Variants in ATG101 observed in about 807,000 individuals in gnomAD.
ATG101 encodes autophagy-related protein 101.
A neutral mutation model predicts 16.7 loss-of-function variants in ATG101; 6 were observed. The observed-to-expected ratio is 0.36, with a 90% CI of 0.20 to 0.71. ATG101 has a LOEUF of 0.71. Ranked by LOEUF, ATG101 falls within the 30% of genes least tolerant of loss-of-function variation. ATG101 has a pLI of 0.57. For synonymous variants in ATG101, 108 were observed against 118.1 expected, an observed-to-expected ratio of 0.91 and a Z score of 0.56; for missense variants, 200 against 292.5, an observed-to-expected ratio of 0.68 and a Z score of 2.31.
Position 52,073,957 on chromosome 12 carries a change from G to A in ATG101, c.252+55G>A, listed in dbSNP as rs945305415. 7 of 1,586,604 alleles carry A rather than the reference G, an allele frequency of 4.4e-6. No homozygotes were observed. The South Asian group carries it at 4.6e-5, about 10-fold the overall frequency. On this transcript the variant is annotated intron_variant, in intron 3 of 3. Coordinates refer to ENST00000336854, the MANE Select transcript of ATG101 (RefSeq NM_021934.5). ...GTGTGGCATAGCAGATGGCAGGGGG[G>A]CCTCGAGTGCTCCTCCACTCCAGCT...
intron 2 of ATG101, 84 bp from the exon 3 acceptor site, chr12:52,073,491 G>C: frequency 1.1e-6 from 1 of 904,014 alleles, no homozygotes; most frequent in South Asian, 1.7e-5. Flanking sequence ...AGTGGAGGCA[G>C]AGGCTGAGCT....
At chr12:52,073,449 T>C (rs1939681728) in intron 2 of ATG101, 126 bp from the exon 3 acceptor site, 11 of 608,970 alleles carry the variant, frequency 1.8e-5, no homozygotes, top group Non-Finnish European at 2.9e-5. Flanking sequence ...GATTCGTTGA[T>C]AGTGTGTGCT....
chr12:52,065,574 C>G (rs1259133772), upstream of ATG101, among the ~76,000 whole-genome samples: 1 of 152,180 alleles, frequency 6.6e-6, no homozygotes, highest in Non-Finnish European at 1.5e-5. Flanking sequence ...GAGAATTTCC[C>G]TGTAAGAATT....
At position 52,076,090 on chromosome 12, in the gene ATG101, C is replaced by T. The variant is rs147861177; in HGVS notation, c.253-696C>T. Among the ~76,000 whole-genome samples, 564 of 152,200 alleles carry T rather than the reference C, an allele frequency of 3.7e-3. 6 individuals are homozygous for T. The highest frequency in any genetic ancestry group is 0.013 in the African/African-American group (532 of 41,508). On this transcript the variant is annotated intron_variant, in intron 3 of 3. Transcript: ENST00000336854. ...GGAGGATCGCTTGAGCCCAGGAGTC[C>T]GAGGCTGCAGTGAGCCATGATTGCT...
At chr12:52,073,086 C>T (rs1592317222) in intron 2 of ATG101, among the ~76,000 whole-genome samples, 1 of 152,140 alleles carries the variant, frequency 6.6e-6, no homozygotes, top group African/African-American at 2.4e-5. Context: ...TTTTTTGATG[C>T]ACAGATTTGA....
upstream of ATG101, among the ~76,000 whole-genome samples, chr12:52,065,970 C>T (rs1038326816): frequency 5.9e-5 from 9 of 152,160 alleles, no homozygotes; most frequent in South Asian, 4.1e-4. Flanking sequence ...CGCCGCCTCC[C>T]GGGTTCAAGT....
chr12:52,076,715 G>A, intron 3 of ATG101, 71 bp from the exon 4 acceptor site: 1 of 1,521,632 alleles, frequency 6.6e-7, no homozygotes, highest in South Asian at 1.2e-5. Flanking sequence ...ATTCCCTGGG[G>A]TGTGGGAAGC....
At chr12:52,073,535 A>T in intron 2 of ATG101, 40 bp from the exon 3 acceptor site, 1 of 1,308,400 alleles carries the variant, frequency 7.6e-7, no homozygotes, top group South Asian at 1.4e-5. Flanking sequence ...TAACACGTGG[A>T]CTATTCTTGT....
At chr12:52,071,739 A>C (rs1939654146) in intron 2 of ATG101, among the ~76,000 whole-genome samples, 1 of 152,176 alleles carries the variant, frequency 6.6e-6, no homozygotes, top group Non-Finnish European at 1.5e-5. Flanking sequence ...CCTGGGAGGC[A>C]GAAGTTGCAG....
intron 2 of ATG101, among the ~76,000 whole-genome samples, chr12:52,072,333 G>A (rs1252981777): frequency 2.6e-5 from 4 of 152,240 alleles, no homozygotes; most frequent in African/African-American, 9.6e-5. Flanking sequence ...TATTTTACAT[G>A]TGTTACCTTA....
chr12:52,068,159 G>T (rs1939568265), upstream of ATG101, among the ~76,000 whole-genome samples: 1 of 149,286 alleles, frequency 6.7e-6, no homozygotes, highest in Non-Finnish European at 1.5e-5. Context: ...CAATTCTTCT[G>T]CCTCAGCCTC....
At chr12:52,067,680 C>G (rs1207919025), upstream of ATG101, among the ~76,000 whole-genome samples, 1 of 152,028 alleles carries the variant, frequency 6.6e-6, no homozygotes, top group East Asian at 1.9e-4. Flanking sequence ...CTCTGCCTCC[C>G]CGGTTCAAGC....
Position 52,073,766 on chromosome 12 carries a change from A to G in ATG101, c.116A>G (p.Tyr39Cys). Reference protein sequence around the residue: ...LLHRSTGKFHYKKEGTYSIGT... With the variant: ...LLHRSTGKFHCKKEGTYSIGT... The stretch of plus-strand genomic sequence containing the variant: ...CACCGCAGCACAGGCAAGTTCCACT[A>G]CAAGAAGGAGGGCACCTACTCCATT... The change falls in exon 3 of 4, where the codon TAC becomes TGC. Residue 39 changes from tyrosine to cysteine, a missense_variant. Tyr to Cys is a radical substitution (Grantham distance 194). Coordinates refer to ENST00000336854, the MANE Select transcript of ATG101 (RefSeq NM_021934.5). 6.2e-7 allele frequency: 1 copy of G among 1,614,218 alleles called. No individual in the cohort carries two copies. The highest frequency in any genetic ancestry group is 8.5e-7 in the Non-Finnish European group (1 of 1,180,028).
chr12:52,070,774 G>A (rs894098560), intron 2 of ATG101: 1 of 152,378 alleles, frequency 6.6e-6, no homozygotes, highest in Middle Eastern at 3.1e-3. Flanking sequence ...GAGATGTGTG[G>A]CTTGTGTGAA....
In ATG101 at chr12:52,073,980, G is replaced by T. The variant is rs1939692824; in HGVS notation, c.252+78G>T. On this transcript the variant is annotated intron_variant, in intron 3 of 3. Transcript: ENST00000336854. The stretch of plus-strand genomic sequence containing the variant: ...GGGCCTCGAGTGCTCCTCCACTCCA[G>T]CTTGGTGTTGAACCAGCCTTCTCTT... 3.2e-6 allele frequency: 5 copies of T among 1,562,368 alleles called. No individual in the cohort carries two copies. In the South Asian group the frequency reaches 4.7e-5, roughly 15 times the overall value.
At chr12:52,067,530 C>A (rs1350733717), upstream of ATG101, among the ~76,000 whole-genome samples, 3 of 152,078 alleles carry the variant, frequency 2.0e-5, no homozygotes, top group Admixed American at 2.0e-4. Context: ...GAACTCAAGG[C>A]TCTGTTATTT....
chr12:52,068,348 C>A (rs1189631255), upstream of ATG101, among the ~76,000 whole-genome samples: 2 of 151,040 alleles, frequency 1.3e-5, no homozygotes, highest in African/African-American at 4.9e-5. Flanking sequence ...GCCATCACAC[C>A]CGACTTTTTT....
At position 52,073,658 on chromosome 12, in the gene ATG101, G is replaced by A; in HGVS notation, c.8G>A (p.Cys3Tyr). 1 of 1,613,052 alleles carries A rather than the reference G, an allele frequency of 6.2e-7. No homozygotes were observed. Among genetic ancestry groups the A allele is most frequent in the Non-Finnish European group, 8.5e-7 (1 of 1,179,322 alleles). The change falls in exon 3 of 4, where the codon TGT becomes TAT. Residue 3 changes from cysteine (C) to tyrosine (Y), a missense_variant. Cys to Tyr is a radical substitution (Grantham distance 194). Coordinates refer to ENST00000336854, the MANE Select transcript of ATG101 (RefSeq NM_021934.5). MN[C>Y]RSEVLEVSVE... ...TGGGTTACTGGGTGCAGGATGAACT[G>A]TCGCTCGGAGGTGCTGGAGGTGTCG...
chr12:52,067,574 C>T (rs954765760), upstream of ATG101, among the ~76,000 whole-genome samples: 5 of 152,066 alleles, frequency 3.3e-5, no homozygotes, highest in Non-Finnish European at 7.4e-5. Flanking sequence ...CTTAACCTCT[C>T]CCCAGTCACT....
Sources: gnomAD v4.1 joint callset for allele counts (sites outside exome capture counted in the v4.1 genomes callset) on GRCh38, gnomAD v4.1.1 for gene constraint, MANE v1.5 for transcripts, NCBI Gene and HGNC (gene_info 2026-07-23, HGNC 2026-07-21) for gene names.